CDH13: variants seen among roughly 807,000 people sequenced by gnomAD.
CDH13 encodes cadherin 13.
In CDH13, 24 loss-of-function variants were observed where a neutral mutation model predicts 63.8. The ratio of observed to expected loss-of-function variants is 0.38; its 90% CI spans 0.27 to 0.53. The LOEUF (loss-of-function observed/expected upper bound fraction) is 0.53. Among genes scored for constraint, CDH13 ranks in the 20% least tolerant of loss-of-function variants. CDH13 has a pLI of 0.85. For synonymous variants in CDH13, 503 were observed against 355.3 expected, an observed-to-expected ratio of 1.42 and a Z score of -4.67; for missense variants, 1,049 against 903.1, an observed-to-expected ratio of 1.16 and a Z score of -2.07.
chr16:83,378,416 G>C (rs1488608023), intron 6 of CDH13, among the ~76,000 whole-genome samples: 1 of 152,110 alleles, frequency 6.6e-6, no homozygotes, highest in East Asian at 1.9e-4. Flanking sequence ...AACAGTATCA[G>C]CTCTCATCGG....
Position 83,216,404 on chromosome 16 carries a change from A to ATATATG in CDH13, c.484-936_484-935insGTATAT, listed in dbSNP as rs1481023092. Among the ~76,000 whole-genome samples the ATATATG allele has an allele frequency of 1.7e-3, 95 of 56,510 alleles. 8 individuals are homozygous for ATATATG. The highest frequency in any genetic ancestry group is 3.0e-3 in the African/African-American group (37 of 12,496). The allele number at this position is 56,510 out of a possible 152,430, so 37.1% of individuals were successfully genotyped here. A position where few individuals can be genotyped will look rare whatever the true frequency, so the allele number is the denominator to read the frequency against. ...CTCTGCCTCCAGCATTGAAATATAT[A>ATATATG]TATATATATATATATATATATATAT... On this transcript the variant is annotated intron_variant, in intron 4 of 13. Transcript: ENST00000567109.
chr16:82,930,872 T>A (rs185239634), intron 2 of CDH13, among the ~76,000 whole-genome samples: 81 of 152,328 alleles, frequency 5.3e-4, no homozygotes, highest in Admixed American at 4.4e-3. Context: ...AAATCACTCC[T>A]CTTCCCAAAT....
intron 7 of CDH13, among the ~76,000 whole-genome samples, chr16:83,564,556 C>A (rs914079175): frequency 6.6e-6 from 1 of 152,044 alleles, no homozygotes; most frequent in African/African-American, 2.4e-5. Context: ...TTACAGGCAT[C>A]TGCCACCACA....
intron 10 of CDH13, among the ~76,000 whole-genome samples, chr16:83,681,983 A>G (rs1174359891): frequency 6.6e-6 from 1 of 152,188 alleles, no homozygotes; most frequent in African/African-American, 2.4e-5. Flanking sequence ...CCTCCTCCAC[A>G]AAACAGGAAT....
intron 3 of CDH13, among the ~76,000 whole-genome samples, chr16:83,062,047 A>C (rs535773537): frequency 1.3e-5 from 2 of 152,334 alleles, no homozygotes; most frequent in African/African-American, 2.4e-5. Context: ...AACGGATGCT[A>C]TCAGGATGGC....
At chr16:82,662,898 C>T (rs1170068886) in intron 1 of CDH13, among the ~76,000 whole-genome samples, 1 of 152,150 alleles carries the variant, frequency 6.6e-6, no homozygotes, top group Non-Finnish European at 1.5e-5. Context: ...GTCTGGTACC[C>T]TTACCCACTG....
At chr16:83,779,405 T>TAAA (rs1174439191) in intron 11 of CDH13, among the ~76,000 whole-genome samples, 2,709 of 67,780 alleles carry the variant, frequency 0.04, 1,008 homozygotes, top group East Asian at 0.17. Flanking sequence ...AGACTCCATC[T>TAAA]CAAAAAAAAA....
intron 3 of CDH13, among the ~76,000 whole-genome samples, chr16:83,063,062 A>G (rs1001283866): frequency 6.6e-6 from 1 of 151,400 alleles, no homozygotes; most frequent in Non-Finnish European, 1.5e-5. Context: ...TCCAGGTTCA[A>G]GTGAGTCTCC....
intron 4 of CDH13, among the ~76,000 whole-genome samples, chr16:83,158,670 T>A (rs185788399): frequency 1.1e-3 from 164 of 152,316 alleles, no homozygotes; most frequent in African/African-American, 3.7e-3. Context: ...GTTAAACAGA[T>A]CCACGGTACA....
intron 6 of CDH13, among the ~76,000 whole-genome samples, chr16:83,389,812 G>T (rs2091750347): frequency 6.6e-6 from 1 of 152,200 alleles, no homozygotes; most frequent in South Asian, 2.1e-4. Flanking sequence ...GAGAGGAAAG[G>T]TGTCCTAGAT....
At chr16:82,645,557 C>G (rs894258929) in intron 1 of CDH13, among the ~76,000 whole-genome samples, 1 of 152,028 alleles carries the variant, frequency 6.6e-6, no homozygotes, top group African/African-American at 2.4e-5. Context: ...AACAGCACAG[C>G]TCCCACCACA....
At chr16:83,626,956 C>T (rs1349427577) in intron 8 of CDH13, among the ~76,000 whole-genome samples, 1 of 152,116 alleles carries the variant, frequency 6.6e-6, no homozygotes, top group Non-Finnish European at 1.5e-5. Flanking sequence ...TCGGCTCTTT[C>T]CCAGTTCTCA....
intron 2 of CDH13, among the ~76,000 whole-genome samples, chr16:82,903,741 T>A (rs2041548023): frequency 1.3e-5 from 2 of 152,164 alleles, no homozygotes; most frequent in Admixed American, 1.3e-4. Context: ...CCCTCATGTG[T>A]TAGGGGCTGT....
chr16:83,300,296 T>A (rs1294000904), intron 5 of CDH13, among the ~76,000 whole-genome samples: 6 of 152,374 alleles, frequency 3.9e-5, no homozygotes, highest in Non-Finnish European at 7.3e-5. Context: ...TTCAACTTAC[T>A]TTTAAGTTGA....
chr16:83,697,738 C>T (rs1791434091), intron 10 of CDH13, among the ~76,000 whole-genome samples: 1 of 152,228 alleles, frequency 6.6e-6, no homozygotes. Flanking sequence ...ACCTCCACCT[C>T]CCACGTTCAA....
At chr16:83,766,255 A>G (rs144697312) in intron 11 of CDH13, among the ~76,000 whole-genome samples, 88 of 152,324 alleles carry the variant, frequency 5.8e-4, no homozygotes, top group African/African-American at 1.9e-3. Context: ...ACTACTCTCA[A>G]AATAGAAGCA....
At chr16:82,866,860 G>A (rs2040166964) in intron 2 of CDH13, among the ~76,000 whole-genome samples, 2 of 152,144 alleles carry the variant, frequency 1.3e-5, no homozygotes, top group Non-Finnish European at 2.9e-5. Context: ...CACGAGAGCA[G>A]CATAGAGGAA....
At chr16:83,573,960 T>G (rs1904874831) in intron 7 of CDH13, among the ~76,000 whole-genome samples, 1 of 151,976 alleles carries the variant, frequency 6.6e-6, no homozygotes, top group African/African-American at 2.4e-5. Context: ...GTAAATTGGG[T>G]CCCCGGGATT....
intron 1 of CDH13, among the ~76,000 whole-genome samples, chr16:82,761,148 C>G (rs1597495752): frequency 6.8e-6 from 1 of 148,104 alleles, no homozygotes; most frequent in East Asian, 2.1e-4. Flanking sequence ...CTCATCCTCC[C>G]AAGTAACTGG....
Sources: gnomAD v4.1 joint callset for allele counts (sites outside exome capture counted in the v4.1 genomes callset) on GRCh38, gnomAD v4.1.1 for gene constraint, MANE v1.5 for transcripts, NCBI Gene and HGNC (gene_info 2026-07-23, HGNC 2026-07-21) for gene names.